The following NCK1 variants were observed in gnomAD, a reference collection of about 807,000 sequenced individuals.
The protein encoded by NCK1 is NCK adaptor protein 1.
In NCK1, 19 loss-of-function variants were observed where a neutral mutation model predicts 36.6. That is an observed-to-expected ratio of 0.52 (90% confidence interval 0.36 to 0.76). The LOEUF is 0.76. Among genes scored for constraint, NCK1 ranks in the 30% least tolerant of loss-of-function variants. NCK1 has a pLI of 0.00. For synonymous variants in NCK1, 165 were observed against 156.0 expected (o/e 1.06, Z -0.43); for missense variants, 358 against 445.6 (o/e 0.80, Z 1.77).
At chr3:136,904,834 ATTTTT>A (rs55815126) in intron 1 of NCK1, among the ~76,000 whole-genome samples, 1 of 142,770 alleles carries the variant, frequency 7.0e-6, no homozygotes, top group Non-Finnish European at 1.5e-5. Flanking sequence ...GGCTTTTCTC[ATTTTT>A]TTTTTTTTAA....
intron 1 of NCK1, among the ~76,000 whole-genome samples, chr3:136,923,780 A>G (rs994943167): frequency 6.6e-6 from 1 of 152,200 alleles, no homozygotes; most frequent in Non-Finnish European, 1.5e-5. Context: ...TTGATAGTTT[A>G]GCTTTTAGAA....
chr3:136,902,923 G>C (rs940525130), intron 1 of NCK1, among the ~76,000 whole-genome samples: 1 of 152,100 alleles, frequency 6.6e-6, no homozygotes, highest in Non-Finnish European at 1.5e-5. Flanking sequence ...GGAGTGTTAA[G>C]ATGTTAGATG....
intron 1 of NCK1, among the ~76,000 whole-genome samples, chr3:136,864,934 A>G (rs1255045051): frequency 5.8e-5 from 8 of 139,016 alleles, no homozygotes; most frequent in African/African-American, 1.6e-4. Context: ...ATTTTTTTGT[A>G]TATATATATA....
intron 1 of NCK1, among the ~76,000 whole-genome samples, chr3:136,917,852 T>C (rs1033935419): frequency 4.6e-5 from 7 of 152,296 alleles, no homozygotes; most frequent in African/African-American, 1.7e-4. Flanking sequence ...ATCAGTAAGC[T>C]CTCACCAAAT....
At chr3:136,924,920 T>C (rs780805287) in intron 1 of NCK1, among the ~76,000 whole-genome samples, 1 of 152,222 alleles carries the variant, frequency 6.6e-6, no homozygotes, top group Non-Finnish European at 1.5e-5. Flanking sequence ...CCTTGATTTG[T>C]TCATTTTTGA....
intron 1 of NCK1, among the ~76,000 whole-genome samples, chr3:136,875,745 G>C (rs563108914): frequency 6.7e-6 from 1 of 148,620 alleles, no homozygotes; most frequent in South Asian, 2.2e-4. Context: ...ACAGATCAAC[G>C]AGACAGAAAG....
chr3:136,876,584 T>A (rs1427904315), intron 1 of NCK1, among the ~76,000 whole-genome samples: 9 of 151,872 alleles, frequency 5.9e-5, no homozygotes, highest in South Asian at 4.1e-4. Context: ...GTTTTTTTTT[T>A]AAACCAAAAA....
intron 2 of NCK1, among the ~76,000 whole-genome samples, chr3:136,938,149 CAATT>C (rs1295950691): frequency 6.6e-6 from 1 of 152,106 alleles, no homozygotes; most frequent in Admixed American, 6.5e-5. Context: ...TTTTCTGCAT[CAATT>C]GAGATAGTCA....
intron 1 of NCK1, among the ~76,000 whole-genome samples, chr3:136,914,678 C>A (rs941020313): frequency 6.6e-6 from 1 of 152,112 alleles, no homozygotes; most frequent in African/African-American, 2.4e-5. Context: ...ATCTTTTTTG[C>A]GCCCTAATGT....
intron 1 of NCK1, among the ~76,000 whole-genome samples, chr3:136,903,944 A>AT (rs985959207): frequency 6.6e-5 from 10 of 150,850 alleles, no homozygotes; most frequent in Non-Finnish European, 1.2e-4. Context: ...TGGTTTTTAT[A>AT]TTTTTTTGTG....
chr3:136,925,552 A>G (rs1022301602), intron 1 of NCK1, among the ~76,000 whole-genome samples: 2 of 152,156 alleles, frequency 1.3e-5, no homozygotes, highest in Non-Finnish European at 2.9e-5. Flanking sequence ...CCTGGCAACT[A>G]CTAATCTGTT....
rs1576983580 is a variant in NCK1 at position 136,928,497 on chromosome 3, TG to T, written c.226+271del. Reference sequence around the variant, plus strand: ...CTCTCACCTTCTAGCAGGGGCTTTTTGAACCATGAATCACTGTTGGAGTTTA... The same window carrying T: ...CTCTCACCTTCTAGCAGGGGCTTTTTAACCATGAATCACTGTTGGAGTTTA... On this transcript the variant is annotated intron_variant, in intron 2 of 3. Coordinates refer to ENST00000481752, the MANE Select transcript of NCK1 (RefSeq NM_001291999.2). 7.6e-6 allele frequency: 3 copies of T among 392,292 alleles called. No individual in the cohort carries two copies. In the East Asian group the frequency reaches 1.4e-4, roughly 18 times the overall value. 24.3% of individuals were successfully genotyped at this position (392,292 alleles called of 1,614,324 possible). A position where few individuals can be genotyped will look rare whatever the true frequency, so the allele number is the denominator to read the frequency against.
intron 2 of NCK1, 136 bp downstream of exon 2, chr3:136,928,363 G>A: frequency 1.3e-6 from 1 of 774,612 alleles, no homozygotes; most frequent in Non-Finnish European, 2.0e-6. Flanking sequence ...GTCATAGCAG[G>A]TGGTCAACCC....
At chr3:136,865,020 G>T (rs1332614246) in intron 1 of NCK1, among the ~76,000 whole-genome samples, 1 of 149,438 alleles carries the variant, frequency 6.7e-6, no homozygotes, top group Non-Finnish European at 1.5e-5. Flanking sequence ...GTGCAGTGGC[G>T]GGATCTTGGC....
At position 136,945,756 on chromosome 3, in the gene NCK1, A is replaced by T. The variant is rs760631298; in HGVS notation, c.400A>T (p.Ile134Phe). 2 of 1,614,158 alleles carry T rather than the reference A, an allele frequency of 1.2e-6. No individual in the cohort carries two copies. The highest frequency in any genetic ancestry group is 2.2e-5 in the South Asian group (2 of 91,078). ...ATCATTGATAAAGGGGACAAAGGTG[A>T]TCGTCATGGAGAAATGCAGTGATGG... The part of the protein sequence containing the change: ...ELSLIKGTKV[I>F]VMEKCSDGWW... Residue 134 changes from isoleucine to phenylalanine, a missense_variant, in exon 3 of 4, where the codon ATC becomes TTC. Around this residue, in one of 3 missense-constraint regions of NCK1, gnomAD observed 143 missense variants for 162.4 expected, o/e 0.88. Coordinates refer to ENST00000481752, the MANE Select transcript of NCK1 (RefSeq NM_001291999.2).
At chr3:136,869,371 A>C (rs1224365503) in intron 1 of NCK1, among the ~76,000 whole-genome samples, 1 of 152,140 alleles carries the variant, frequency 6.6e-6, no homozygotes, top group African/African-American at 2.4e-5. Flanking sequence ...ACATGGTGAA[A>C]CCCTGTCTCT....
Position 136,945,685 on chromosome 3 carries a change from C to T in NCK1, c.329C>T (p.Pro110Leu). 6.2e-7 allele frequency: 1 copy of T among 1,613,996 alleles called. No homozygotes were observed. The highest frequency in any genetic ancestry group is 8.5e-7 in the Non-Finnish European group (1 of 1,179,982). Reference protein sequence around the residue: ...PGERLYDLNMPAYVKFNYMAE... With the variant: ...PGERLYDLNMLAYVKFNYMAE... Reference sequence around the variant, plus strand: ...GAACGTCTCTATGACCTCAACATGCCCGCTTATGTGAAATTTAACTACATG... The same window carrying T: ...GAACGTCTCTATGACCTCAACATGCTCGCTTATGTGAAATTTAACTACATG... The change falls in exon 3 of 4, where the codon CCC becomes CTC. Residue 110 changes from proline to leucine, a missense_variant. Pro to Leu is a moderately conservative substitution (Grantham distance 98). Coordinates refer to ENST00000481752, the MANE Select transcript of NCK1 (RefSeq NM_001291999.2).
At chr3:136,910,374 C>G (rs905412864) in intron 1 of NCK1, among the ~76,000 whole-genome samples, 1 of 152,122 alleles carries the variant, frequency 6.6e-6, no homozygotes, top group African/African-American at 2.4e-5. Flanking sequence ...GCATTTGTCT[C>G]TTATGTAGAA....
At chr3:136,936,500 T>C (rs1421508832) in intron 2 of NCK1, among the ~76,000 whole-genome samples, 1 of 152,240 alleles carries the variant, frequency 6.6e-6, no homozygotes, top group Non-Finnish European at 1.5e-5. Context: ...CAGTTAAGTG[T>C]ATACCTAAAA....
Sources: gnomAD v4.1 joint callset for allele counts (sites outside exome capture counted in the v4.1 genomes callset) on GRCh38, gnomAD v4.1.1 for gene constraint, gnomAD v4.1.1 regional missense constraint, MANE v1.5 for transcripts, NCBI Gene and HGNC (gene_info 2026-07-23, HGNC 2026-07-21) for gene names.